The following RGS12 variants were observed in gnomAD, a reference collection of about 807,000 sequenced individuals.
RGS12 encodes the protein regulator of G-protein signaling 12.
A neutral mutation model predicts 120.1 loss-of-function variants in RGS12; 66 were observed. The ratio of observed to expected loss-of-function variants is 0.55; its 90% CI spans 0.45 to 0.67. RGS12 has a LOEUF of 0.67. Ranked by LOEUF, RGS12 falls within the 30% of genes least tolerant of loss-of-function variation. The pLI is 0.00. For missense variants in RGS12, 1,859 were observed against 1,957.7 expected (o/e 0.95, Z 0.95); for synonymous variants, 827 against 804.7 (o/e 1.03, Z -0.47).
rs533521623 is a variant in RGS12, at chr4:3,372,579, C to A, written c.1999-13837C>A. On this transcript the variant is annotated intron_variant, in intron 3 of 17. Coordinates refer to ENST00000336727, the MANE Select transcript of RGS12 (RefSeq NM_001394154.1). The surrounding 1 kb of genome is among the most constrained non-coding windows in gnomAD (Gnocchi z 4.3). ...TCGGGTGCATCCACGCTGGCCCCCC[C>A]AGGTGTGCCCTGTGTGGCCGGCATG... Among the ~76,000 whole-genome samples the A allele has an allele frequency of 5.9e-5, 9 of 152,374 alleles. No individual in the cohort carries two copies. The South Asian group carries it at 1.9e-3, about 32-fold the overall frequency.
intron 2 of RGS12, chr4:3,324,586 C>T (rs912711133): frequency 1.3e-5 from 2 of 155,034 alleles, no homozygotes. Context: ...CCACTGCAGC[C>T]TGATACAGCA....
At chr4:3,405,719 C>G (rs948106332) in intron 4 of RGS12, among the ~76,000 whole-genome samples, 3 of 152,088 alleles carry the variant, frequency 2.0e-5, no homozygotes. Flanking sequence ...CTCAGATAGT[C>G]TGGAAAAAGG....
At chr4:3,386,464 T>G (rs374864930) in intron 4 of RGS12, 27 bp downstream of exon 4, 19 of 1,585,442 alleles carry the variant, frequency 1.2e-5, no homozygotes, top group Non-Finnish European at 1.5e-5. Flanking sequence ...GATGTATATA[T>G]TTTTTATTTT....
In RGS12 at chr4:3,372,208, C is replaced by T. The variant is rs571276960; in HGVS notation, c.1999-14208C>T. The stretch of plus-strand genomic sequence containing the variant: ...GAAGAGAGCCCTTGTGGTCTGTCTG[C>T]GCACCCCTCCCAGGGTGCCCTGCTG... On this transcript the variant is annotated intron_variant, in intron 3 of 17. Transcript: ENST00000336727. The surrounding 1 kb of genome is among the most constrained non-coding windows in gnomAD (Gnocchi z 4.3). 3.9e-5 allele frequency among the ~76,000 whole-genome samples: 6 copies of T among 152,206 alleles called. No individual in the cohort carries two copies. The highest frequency in any genetic ancestry group is 1.4e-4 in the African/African-American group (6 of 41,442).
In RGS12 at chr4:3,389,118, G is replaced by A. The variant is rs982045871; in HGVS notation, c.2020+2681G>A. Among the ~76,000 whole-genome samples the A allele has an allele frequency of 1.5e-4, 23 of 152,190 alleles. No homozygotes were observed. Among genetic ancestry groups the A allele is most frequent in the African/African-American group, 5.6e-4 (23 of 41,434 alleles). Reference sequence around the variant, plus strand: ...TGCTTTTATAGCTTAGGCTCTCGCTGGAGAGTTTTAGTTTTGTGGCTCGGT... The same window carrying A: ...TGCTTTTATAGCTTAGGCTCTCGCTAGAGAGTTTTAGTTTTGTGGCTCGGT... On this transcript the variant is annotated intron_variant, in intron 4 of 17. Transcript: ENST00000336727. The surrounding 1 kb of genome is among the most constrained non-coding windows in gnomAD (Gnocchi z 5.2).
At chr4:3,369,984 C>T (rs1322534377) in intron 3 of RGS12, 16 of 1,207,082 alleles carry the variant, frequency 1.3e-5, no homozygotes, top group East Asian at 7.1e-5. Context: ...TTACCCCTGT[C>T]GGCCGAAGTT....
intron 9 of RGS12, 111 bp from the exon 10 acceptor site, chr4:3,420,531 G>A: frequency 2.0e-6 from 2 of 994,886 alleles, no homozygotes; most frequent in Non-Finnish European, 3.1e-6. Flanking sequence ...GATGGGTGGG[G>A]GGGGCTTCCT....
At chr4:3,310,987 G>A (rs867090363) in intron 1 of RGS12, among the ~76,000 whole-genome samples, 3 of 152,214 alleles carry the variant, frequency 2.0e-5, no homozygotes, top group Admixed American at 6.5e-5. Context: ...ATCTGCACGC[G>A]AGAATTGTAA....
chr4:3,333,873 G>A (rs887737096), intron 2 of RGS12, among the ~76,000 whole-genome samples: 3 of 152,118 alleles, frequency 2.0e-5, no homozygotes, highest in Admixed American at 2.0e-4. Context: ...TCAGTTTGAG[G>A]GAATTGATAT....
chr4:3,322,022 A>G (rs1316801380), intron 2 of RGS12, among the ~76,000 whole-genome samples: 1 of 152,166 alleles, frequency 6.6e-6, no homozygotes, highest in African/African-American at 2.4e-5. Flanking sequence ...CAGATTCTCC[A>G]TTGTTGTCCT....
At position 3,390,229 on chromosome 4, in the gene RGS12, G is replaced by A. The variant is rs367837437; in HGVS notation, c.2020+3792G>A. Among the ~76,000 whole-genome samples the A allele has an allele frequency of 3.3e-5, 5 of 152,296 alleles. No homozygotes were observed. In the East Asian group the frequency reaches 7.7e-4, roughly 24 times the overall value. ...CTGACCACCTGCCCCCATCCTGAGC[G>A]ATGGCCACTGTCAATTTCCTGCCCG... On this transcript the variant is annotated intron_variant, in intron 4 of 17. Transcript: ENST00000336727. This position sits in a 1 kb window ranked among gnomAD's most constrained non-coding sequence, Gnocchi z 4.6.
At chr4:3,289,493 C>T (rs1031837093), upstream of RGS12, among the ~76,000 whole-genome samples, 7 of 152,262 alleles carry the variant, frequency 4.6e-5, no homozygotes, top group Admixed American at 1.3e-4. Context: ...CATGAGCCAC[C>T]GTGCCTGGCC....
intron 8 of RGS12, 118 bp downstream of exon 8, chr4:3,417,210 C>G: frequency 7.5e-7 from 1 of 1,337,650 alleles, no homozygotes; most frequent in Non-Finnish European, 1.0e-6. Context: ...GGGTGACGCT[C>G]CATGCTGGAA....
rs1296616417 is a variant in RGS12, at chr4:3,417,462, A to G, written c.2682A>G (p.Lys894=). Residue 894 remains lysine (K), a synonymous_variant, in exon 9 of 18, where the codon AAA becomes AAG. Transcript: ENST00000336727. ...LGDEDSEKKR[K]GAFFSWSRTR... ...ATGAGGACAGCGAGAAGAAGCGGAA[A>G]GGCGCGTTTTTCTCGTGGTCGCGGA... 6.2e-7 allele frequency: 1 copy of G among 1,612,866 alleles called. No individual in the cohort carries two copies. Among genetic ancestry groups the G allele is most frequent in the Non-Finnish European group, 8.5e-7 (1 of 1,179,400 alleles).
intron 4 of RGS12, among the ~76,000 whole-genome samples, chr4:3,406,471 G>T (rs892214930): frequency 1.4e-4 from 22 of 152,344 alleles, no homozygotes; most frequent in Admixed American, 6.5e-5. Context: ...TCAGTAGATG[G>T]GGTCAACAAA....
At position 3,430,458 on chromosome 4, in the gene RGS12, G is replaced by A. The variant is rs375895098; in HGVS notation, c.3617G>A (p.Arg1206His). The A allele has an allele frequency of 2.5e-6, 4 of 1,613,866 alleles. No homozygotes were observed. The highest frequency in any genetic ancestry group is 3.4e-6 in the Non-Finnish European group (4 of 1,179,984). Residue 1206 changes from arginine to histidine, a missense_variant, in exon 17 of 18, where the codon CGT (arginine) becomes CAT (histidine). Coordinates refer to ENST00000336727, the MANE Select transcript of RGS12 (RefSeq NM_001394154.1). ...CAGAGCAACAGAGCAGATGACCAAC[G>A]TGGGCTGCTAAGGAAGGAAGACCTG... is the stretch of plus-strand genomic sequence containing the variant. Reference protein sequence around the residue: ...KAQSNRADDQRGLLRKEDLVL... With the variant: ...KAQSNRADDQHGLLRKEDLVL...
At chr4:3,392,221 A>G (rs1207329672) in intron 4 of RGS12, among the ~76,000 whole-genome samples, 1 of 152,186 alleles carries the variant, frequency 6.6e-6, no homozygotes, top group African/African-American at 2.4e-5. Context: ...CCCAGGCTAG[A>G]TAGACTGTGG....
chr4:3,324,440 G>A (rs1725426176), intron 2 of RGS12: 1 of 248,066 alleles, frequency 4.0e-6, no homozygotes, highest in Non-Finnish European at 8.0e-6. Flanking sequence ...AACAGTCTCT[G>A]CTTCTTCTCT....
Position 3,365,499 on chromosome 4 carries a change from C to G in RGS12, c.1999-20917C>G, listed in dbSNP as rs1716209499. Among the ~76,000 whole-genome samples, 1 of 152,104 alleles carries G rather than the reference C, an allele frequency of 6.6e-6. No homozygotes were observed. The highest frequency in any genetic ancestry group is 2.4e-5 in the African/African-American group (1 of 41,404). On this transcript the variant is annotated intron_variant, in intron 3 of 17. Transcript: ENST00000336727. This position sits in a 1 kb window ranked among gnomAD's most constrained non-coding sequence, Gnocchi z 4.0. ...GGCCTGTACTGTGATCTTGCCCATC[C>G]AGAGCTGTAAATCCCAGCAAAAACC...
Sources: allele counts gnomAD v4.1 joint callset (sites outside exome capture counted in the v4.1 genomes callset), GRCh38; gene constraint gnomAD v4.1.1; non-coding constraint Gnocchi (gnomAD v3.1); transcripts MANE v1.5; gene names NCBI Gene and HGNC (gene_info 2026-07-23, HGNC 2026-07-21).